The following SGIP1 variants were observed in gnomAD, a reference collection of about 807,000 sequenced individuals.
The protein encoded by SGIP1 is SH3GL interacting endocytic adaptor 1, also known as SH3-containing GRB2-like protein 3-interacting protein 1.
In SGIP1, 38 loss-of-function variants were observed where a neutral mutation model predicts 107.5. The ratio of observed to expected loss-of-function variants is 0.35; its 90% CI spans 0.27 to 0.46. SGIP1 has a LOEUF of 0.46. Ranked by LOEUF, SGIP1 falls within the 20% of genes least tolerant of loss-of-function variation. SGIP1 has a pLI of 1.00. For missense variants in SGIP1, 929 were observed against 1,019.5 expected, an observed-to-expected ratio of 0.91 and a Z score of 1.21; for synonymous variants, 365 against 366.1, an observed-to-expected ratio of 1.00 and a Z score of 0.03.
intron 1 of SGIP1, among the ~76,000 whole-genome samples, chr1:66,567,762 T>C (rs1438747746): frequency 6.6e-6 from 1 of 152,168 alleles, no homozygotes; most frequent in Non-Finnish European, 1.5e-5. Context: ...AAATAGGGAA[T>C]CCTTTCCCCA....
chr1:66,614,804 G>C (rs887653245), intron 1 of SGIP1, among the ~76,000 whole-genome samples: 14 of 134,820 alleles, frequency 1.0e-4, no homozygotes, highest in South Asian at 2.5e-4. Flanking sequence ...CTATGTTCCA[G>C]CTGTCTTTTT....
At chr1:66,548,400 G>A (rs534343283) in intron 1 of SGIP1, among the ~76,000 whole-genome samples, 3 of 151,938 alleles carry the variant, frequency 2.0e-5, no homozygotes, top group African/African-American at 4.8e-5. Flanking sequence ...TATTGAGGTC[G>A]GTAGGCTCAA....
At chr1:66,614,710 G>T (rs992028725) in intron 1 of SGIP1, among the ~76,000 whole-genome samples, 1 of 151,812 alleles carries the variant, frequency 6.6e-6, no homozygotes, top group African/African-American at 2.4e-5. Flanking sequence ...TATAGAAAGG[G>T]CAGTACCATG....
Position 66,682,204 on chromosome 1 carries a change from G to T in SGIP1, c.1150G>T (p.Ala384Ser), listed in dbSNP as rs766925272. 2 of 1,614,216 alleles carry T rather than the reference G, an allele frequency of 1.2e-6. No individual in the cohort carries two copies. The highest frequency in any genetic ancestry group is 1.7e-6 in the Non-Finnish European group (2 of 1,180,044). ...TTTAGAAGAAGTCCAGAAGAAAGTC[G>T]CTGAGCAGACCTTCATTAAAGATGA... ...LNLEEVQKKVAEQTFIKDDYL... is the reference protein window; with the variant it reads ...LNLEEVQKKVSEQTFIKDDYL... The change falls in exon 15 of 25, where the codon GCT becomes TCT. Residue 384 changes from alanine (A) to serine (S), a missense_variant. Ala to Ser is a moderately conservative substitution (Grantham distance 99). This residue lies in a region of SGIP1 where 588 missense variants were observed against 588.6 expected (regional missense o/e 1.00). Transcript: ENST00000371037.
intron 1 of SGIP1, among the ~76,000 whole-genome samples, chr1:66,620,312 T>A (rs529027535): frequency 6.6e-6 from 1 of 152,210 alleles, no homozygotes; most frequent in African/African-American, 2.4e-5. Flanking sequence ...TTTTAAAAAG[T>A]TTTTTAAAAA....
intron 14 of SGIP1, among the ~76,000 whole-genome samples, chr1:66,680,337 A>T (rs1320207786): frequency 6.6e-6 from 1 of 152,254 alleles, no homozygotes; most frequent in Non-Finnish European, 1.5e-5. Flanking sequence ...TTTACCATCT[A>T]TTAAAATCAA....
At chr1:66,687,880 A>G (rs1017156794) in intron 15 of SGIP1, among the ~76,000 whole-genome samples, 1 of 152,240 alleles carries the variant, frequency 6.6e-6, no homozygotes, top group African/African-American at 2.4e-5. Context: ...GATTACACAT[A>G]GAATAAACAG....
At chr1:66,714,727 A>G (rs1159488345) in intron 18 of SGIP1, among the ~76,000 whole-genome samples, 1 of 152,116 alleles carries the variant, frequency 6.6e-6, no homozygotes, top group African/African-American at 2.4e-5. Flanking sequence ...CTTAACACCT[A>G]AGGTTAAGAG....
rs1326882275 is a variant in SGIP1, at chr1:66,743,260, G to A, written c.*165G>A. The A allele has an allele frequency of 1.6e-6, 1 of 618,504 alleles. No individual in the cohort carries two copies. Among genetic ancestry groups the A allele is most frequent in the South Asian group, 1.9e-5 (1 of 53,238 alleles). The allele number at this position is 618,504 out of a possible 1,614,324, so 38.3% of individuals were successfully genotyped here. On this transcript the variant is annotated 3_prime_UTR_variant, in exon 25 of 25. Transcript: ENST00000371037. ...TGTGATTTCCCTCACACACTACCAT[G>A]ATGACCAGTCCTACAGTATTTACTT... is the stretch of plus-strand genomic sequence containing the variant.
intron 1 of SGIP1, among the ~76,000 whole-genome samples, chr1:66,610,344 T>A (rs1416712641): frequency 6.6e-6 from 1 of 152,234 alleles, no homozygotes; most frequent in Non-Finnish European, 1.5e-5. Context: ...TCATATTTAA[T>A]GAAGCAAGTT....
intron 12 of SGIP1, among the ~76,000 whole-genome samples, chr1:66,673,875 C>T (rs149302675): frequency 6.6e-6 from 1 of 152,220 alleles, no homozygotes; most frequent in East Asian, 1.9e-4. Flanking sequence ...CATTTAGAAA[C>T]TTAGAAATAA....
chr1:66,671,158 C>A, intron 10 of SGIP1, 139 bp downstream of exon 10: 2 of 416,032 alleles, frequency 4.8e-6, no homozygotes, highest in Non-Finnish European at 4.4e-6. Context: ...ACTTTTACAG[C>A]AAAGAATTCT....
At chr1:66,700,933 G>A (rs925828439) in intron 18 of SGIP1, among the ~76,000 whole-genome samples, 1 of 151,798 alleles carries the variant, frequency 6.6e-6, no homozygotes, top group African/African-American at 2.4e-5. Flanking sequence ...GGAAAAATAC[G>A]TTTCTGAAAG....
rs764080079 is a variant in SGIP1, at chr1:66,742,460, CTTTTTTTTTTTTTT to C, written c.2465-599_2465-586del. Among the ~76,000 whole-genome samples the C allele has an allele frequency of 1.3e-4, 6 of 45,104 alleles. No homozygotes were observed. The Admixed American group carries it at 1.5e-3, about 11-fold the overall frequency. The allele number at this position is 45,104 out of a possible 152,430, so 29.6% of individuals were successfully genotyped here. A position where few individuals can be genotyped will look rare whatever the true frequency, so the allele number is the denominator to read the frequency against. Reference sequence around the variant, plus strand: ...AATATAAGTTATATGAGCACCCTTTCTTTTTTTTTTTTTTTTTTTTTTTTTTTGAGACGGAGTCT... The same window carrying C: ...AATATAAGTTATATGAGCACCCTTTCTTTTTTTTTTTTTGAGACGGAGTCT... On this transcript the variant is annotated intron_variant, in intron 24 of 24. Coordinates refer to ENST00000371037, the MANE Select transcript of SGIP1 (RefSeq NM_032291.4).
Position 66,643,669 on chromosome 1 carries a change from G to A in SGIP1, c.409G>A (p.Asp137Asn), listed in dbSNP as rs1485040923. The A allele has an allele frequency of 6.2e-7, 1 of 1,612,296 alleles. No homozygotes were observed. The highest frequency in any genetic ancestry group is 8.5e-7 in the Non-Finnish European group (1 of 1,179,354). The change falls in exon 7 of 25, where the codon GAT (aspartate) becomes AAT (asparagine). Residue 137 changes from aspartate to asparagine, a missense_variant. Asp to Asn is a conservative substitution (Grantham distance 23). This residue lies in a region of SGIP1 where 588 missense variants were observed against 588.6 expected (regional missense o/e 1.00). Coordinates refer to ENST00000371037, the MANE Select transcript of SGIP1 (RefSeq NM_032291.4). ...KDILKNAATV[D>N]ELKASIGNIA... Reference sequence around the variant, plus strand: ...CATTCTTAAGAATGCTGCAACTGTAGATGAATTGAAGGCATCAATAGGCAA... The same window carrying A: ...CATTCTTAAGAATGCTGCAACTGTAAATGAATTGAAGGCATCAATAGGCAA...
At chr1:66,689,084 A>T in intron 15 of SGIP1, 64 bp from the exon 16 acceptor site, 1 of 1,542,388 alleles carries the variant, frequency 6.5e-7, no homozygotes, top group Non-Finnish European at 8.7e-7. Context: ...CTGGCATTAT[A>T]CTGTGATAAC....
At chr1:66,610,981 T>G (rs2067882441) in intron 1 of SGIP1, among the ~76,000 whole-genome samples, 1 of 150,860 alleles carries the variant, frequency 6.6e-6, no homozygotes, top group Non-Finnish European at 1.5e-5. Context: ...GGAAACTCGG[T>G]GGGAAAGGGT....
At chr1:66,698,016 T>C (rs549181216) in intron 18 of SGIP1, among the ~76,000 whole-genome samples, 4 of 152,358 alleles carry the variant, frequency 2.6e-5, no homozygotes, top group African/African-American at 9.6e-5. Context: ...CAAATAGCTT[T>C]TCAATTTTTA....
chr1:66,553,839 A>G (rs1264720036), intron 1 of SGIP1, among the ~76,000 whole-genome samples: 1 of 152,146 alleles, frequency 6.6e-6, no homozygotes, highest in Non-Finnish European at 1.5e-5. Context: ...CTTCATCTGT[A>G]AAATGATAGG....
Sources: gnomAD v4.1 joint callset for allele counts (sites outside exome capture counted in the v4.1 genomes callset) on GRCh38, gnomAD v4.1.1 for gene constraint, gnomAD v4.1.1 regional missense constraint, MANE v1.5 for transcripts, NCBI Gene and HGNC (gene_info 2026-07-23, HGNC 2026-07-21) for gene names.